Variants in CNTN5 observed in about 807,000 individuals in gnomAD.
CNTN5 encodes contactin 5.
A neutral mutation model predicts 129.1 loss-of-function variants in CNTN5; 77 were observed. That is an observed-to-expected ratio of 0.60 (90% CI 0.50 to 0.72). The LOEUF (loss-of-function observed/expected upper bound fraction) is 0.72, where lower values mean the gene tolerates loss of function less well. CNTN5 is among the 30% of genes least tolerant of loss of function. CNTN5 has a pLI of 0.00. For missense variants in CNTN5, 1,478 were observed against 1,328.8 expected (o/e 1.11, Z -1.75); for synonymous variants, 509 against 465.6 (o/e 1.09, Z -1.20).
At chr11:99,251,543 A>G (rs567790417) in intron 1 of CNTN5, among the ~76,000 whole-genome samples, 2 of 152,026 alleles carry the variant, frequency 1.3e-5, no homozygotes, top group South Asian at 4.1e-4. Context: ...GTAGATGGCA[A>G]CATTTCAAGT....
At chr11:99,752,956 A>T (rs1196558723) in intron 3 of CNTN5, among the ~76,000 whole-genome samples, 2 of 152,102 alleles carry the variant, frequency 1.3e-5, no homozygotes, top group African/African-American at 2.4e-5. Flanking sequence ...GTCCTGGGGA[A>T]AGTCACCTTT....
At chr11:100,223,071 G>A (rs1003836861) in intron 15 of CNTN5, among the ~76,000 whole-genome samples, 1 of 152,166 alleles carries the variant, frequency 6.6e-6, no homozygotes, top group Non-Finnish European at 1.5e-5. Context: ...TAGTGAAGAA[G>A]AGAAGATGAA....
intron 3 of CNTN5, among the ~76,000 whole-genome samples, chr11:99,708,747 G>C (rs1954853831): frequency 6.6e-6 from 1 of 151,664 alleles, no homozygotes; most frequent in African/African-American, 2.4e-5. Context: ...CCTTCTGCCA[G>C]AGACACCAAC....
chr11:99,962,932 GT>G (rs1288846953), intron 8 of CNTN5, among the ~76,000 whole-genome samples: 2 of 150,606 alleles, frequency 1.3e-5, no homozygotes. Flanking sequence ...TTTTTCATGT[GT>G]TTTTTGGCTG....
At chr11:99,597,335 A>T (rs1006137647) in intron 3 of CNTN5, among the ~76,000 whole-genome samples, 1 of 152,174 alleles carries the variant, frequency 6.6e-6, no homozygotes, top group African/African-American at 2.4e-5. Context: ...CCACCTTTGT[A>T]TGCTTTCAAT....
intron 17 of CNTN5, among the ~76,000 whole-genome samples, chr11:100,258,034 C>T (rs183533271): frequency 6.6e-6 from 1 of 152,032 alleles, no homozygotes; most frequent in East Asian, 1.9e-4. Context: ...AAGCTAAGAA[C>T]CTTGAAAAAA....
intron 8 of CNTN5, among the ~76,000 whole-genome samples, chr11:99,958,887 C>G (rs1950870383): frequency 6.6e-6 from 1 of 152,094 alleles, no homozygotes; most frequent in African/African-American, 2.4e-5. Flanking sequence ...GGAGGCTCTT[C>G]CACCTTCTTT....
At chr11:99,798,897 C>A (rs563389750) in intron 3 of CNTN5, among the ~76,000 whole-genome samples, 12 of 152,272 alleles carry the variant, frequency 7.9e-5, no homozygotes, top group African/African-American at 2.4e-4. Flanking sequence ...GATTAATGAG[C>A]ATGGAATGTT....
At chr11:99,644,061 A>G (rs891544288) in intron 3 of CNTN5, among the ~76,000 whole-genome samples, 29 of 152,354 alleles carry the variant, frequency 1.9e-4, no homozygotes, top group African/African-American at 7.0e-4. Context: ...ATACAAAAAC[A>G]TAAAGCTTCA....
chr11:99,448,574 A>G lies in CNTN5; in HGVS notation c.-70-107571A>G, dbSNP rs938628970. ...GGTAAAACTGCAATTTTTTGTGACT[A>G]TCAAGAGTAAATCCCTACCCTAGGA... On this transcript the variant is annotated intron_variant, in intron 2 of 24. Coordinates refer to ENST00000524871, the MANE Select transcript of CNTN5 (RefSeq NM_014361.4). Among the ~76,000 whole-genome samples, 11 of 151,812 alleles carry G rather than the reference A, an allele frequency of 7.2e-5. 1 individual carries two copies. The highest frequency in any genetic ancestry group is 6.2e-4 in the South Asian group (3 of 4,828).
intron 21 of CNTN5, among the ~76,000 whole-genome samples, chr11:100,328,924 C>T (rs1314311357): frequency 6.6e-6 from 1 of 152,178 alleles, no homozygotes; most frequent in Non-Finnish European, 1.5e-5. Flanking sequence ...CCAAGAGAAT[C>T]CACAGTCCCT....
chr11:99,860,678 C>G (rs1948175737), intron 6 of CNTN5, among the ~76,000 whole-genome samples: 1 of 152,086 alleles, frequency 6.6e-6, no homozygotes, highest in African/African-American at 2.4e-5. Context: ...TGTACCAGTA[C>G]CATGCTGTTT....
intron 1 of CNTN5, among the ~76,000 whole-genome samples, chr11:99,273,265 T>C (rs1863261047): frequency 6.6e-6 from 1 of 151,842 alleles, no homozygotes; most frequent in Admixed American, 6.6e-5. Context: ...ATCTCATTCA[T>C]GTACATTAAC....
rs182803893 is a variant in CNTN5, at chr11:99,037,842, G to C, written c.-210+16572G>C. Among the ~76,000 whole-genome samples, 722 of 152,062 alleles carry C rather than the reference G, an allele frequency of 4.7e-3. 6 individuals carry two copies. The highest frequency in any genetic ancestry group is 0.017 in the African/African-American group (696 of 41,494). On this transcript the variant is annotated intron_variant, in intron 1 of 24. Transcript: ENST00000524871. Reference sequence around the variant, plus strand: ...ATCCAAAAGTGCTGGGATTACAGGTGTGAGCCACTGTGCCTGGCCAGGACA... The same window carrying C: ...ATCCAAAAGTGCTGGGATTACAGGTCTGAGCCACTGTGCCTGGCCAGGACA...
chr11:100,209,979 T>C (rs1009650498), intron 15 of CNTN5, among the ~76,000 whole-genome samples: 3 of 152,078 alleles, frequency 2.0e-5, no homozygotes, highest in African/African-American at 7.2e-5. Context: ...TAGAATTACA[T>C]TAAGCATTTA....
At chr11:99,580,746 G>A (rs1236949307) in intron 3 of CNTN5, among the ~76,000 whole-genome samples, 8 of 141,558 alleles carry the variant, frequency 5.7e-5, no homozygotes, top group East Asian at 4.2e-4. Flanking sequence ...TCTTGCTAAC[G>A]GTCTATCAAT....
intron 3 of CNTN5, among the ~76,000 whole-genome samples, chr11:99,771,257 G>T (rs1263495766): frequency 1.3e-5 from 2 of 151,974 alleles, no homozygotes; most frequent in Non-Finnish European, 2.9e-5. Flanking sequence ...GTATGCTGAA[G>T]ACATAGCTAT....
chr11:99,990,532 A>G (rs1939012301), intron 8 of CNTN5, among the ~76,000 whole-genome samples: 1 of 151,622 alleles, frequency 6.6e-6, no homozygotes, highest in Admixed American at 6.6e-5. Flanking sequence ...AAAACTCTCT[A>G]GGTTTTTTCA....
intron 13 of CNTN5, among the ~76,000 whole-genome samples, chr11:100,082,841 G>A (rs1944413596): frequency 1.3e-5 from 2 of 152,218 alleles, no homozygotes; most frequent in South Asian, 4.2e-4. Context: ...GCATCACTGT[G>A]AGGAAATACC....
Sources: gnomAD v4.1 joint callset for allele counts (sites outside exome capture counted in the v4.1 genomes callset) on GRCh38, gnomAD v4.1.1 for gene constraint, MANE v1.5 for transcripts, NCBI Gene and HGNC (gene_info 2026-07-23, HGNC 2026-07-21) for gene names.